Variants in PCDHGA1 observed in about 807,000 individuals in gnomAD.
PCDHGA1 encodes the protein protocadherin gamma subfamily A, 1, also known as protocadherin gamma-A1.
Under a neutral mutation model 58.0 loss-of-function variants are expected in PCDHGA1, and 32 were observed. That is an observed-to-expected ratio of 0.55 (90% CI 0.42 to 0.74). The LOEUF (loss-of-function observed/expected upper bound fraction) is 0.74. PCDHGA1 is among the 30% of genes least tolerant of loss of function. The pLI is 0.00. For synonymous variants in PCDHGA1, 498 were observed against 501.1 expected (o/e 0.99, Z 0.08); for missense variants, 1,205 against 1,182.3 (o/e 1.02, Z -0.28).
chr5:141,385,132 G>T (rs763210124), intron 1 of PCDHGA1: 2 of 1,614,094 alleles, frequency 1.2e-6, no homozygotes, highest in African/African-American at 1.3e-5. Flanking sequence ...GGGCATGGAC[G>T]GGGTGCAGGC....
In PCDHGA1 at chr5:141,485,979, C is replaced by G; in HGVS notation, c.2422-8828C>G. 1 of 1,614,182 alleles carries G rather than the reference C, an allele frequency of 6.2e-7. No individual in the cohort carries two copies. Among genetic ancestry groups the G allele is most frequent in the Non-Finnish European group, 8.5e-7 (1 of 1,180,022 alleles). On this transcript the variant is annotated intron_variant, in intron 1 of 3. Coordinates refer to ENST00000517417, the MANE Select transcript of PCDHGA1 (RefSeq NM_018912.3). The surrounding 1 kb of genome is among the most constrained non-coding windows in gnomAD (Gnocchi z 5.7). ...CTCATCCAGCTCAATGCCTCAGACC[C>G]GGACCTGGGTCCCAGTGGTAACGTC...
At chr5:141,364,124 G>A (rs1449257232) in intron 1 of PCDHGA1, 9 of 457,656 alleles carry the variant, frequency 2.0e-5, no homozygotes, top group Admixed American at 1.5e-4. Flanking sequence ...TCTGAGTGTC[G>A]CTGTTGACCA....
At chr5:141,352,540 G>A (rs1249935769) in intron 1 of PCDHGA1, 16 of 1,613,862 alleles carry the variant, frequency 9.9e-6, no homozygotes, top group Non-Finnish European at 1.3e-5. Flanking sequence ...CAAAGACAGA[G>A]TTTAATTCTC....
Position 141,490,387 on chromosome 5 carries a change from G to C in PCDHGA1, c.2422-4420G>C. 2 of 1,614,196 alleles carry C rather than the reference G, an allele frequency of 1.2e-6. No individual in the cohort carries two copies. The highest frequency in any genetic ancestry group is 1.7e-6 in the Non-Finnish European group (2 of 1,180,034). On this transcript the variant is annotated intron_variant, in intron 1 of 3. Transcript: ENST00000517417. This position sits in a 1 kb window ranked among gnomAD's most constrained non-coding sequence, Gnocchi z 5.4. ...GCGAGACCGGGACTCAGGTAGAAATGGTGAAGTGAGCCTTGATATCTCTCC... is the reference window on the plus strand; with the variant it reads ...GCGAGACCGGGACTCAGGTAGAAATCGTGAAGTGAGCCTTGATATCTCTCC...
chr5:141,487,968 T>C lies in PCDHGA1; in HGVS notation c.2422-6839T>C, dbSNP rs2099670029. Among the ~76,000 whole-genome samples the C allele has an allele frequency of 6.6e-6, 1 of 152,236 alleles. No individual in the cohort carries two copies. The highest frequency in any genetic ancestry group is 1.5e-5 in the Non-Finnish European group (1 of 68,050). On this transcript the variant is annotated intron_variant, in intron 1 of 3. Transcript: ENST00000517417. This position sits in a 1 kb window ranked among gnomAD's most constrained non-coding sequence, Gnocchi z 5.0. The stretch of plus-strand genomic sequence containing the variant: ...AGGCAGTCACTTGGACAAAGGTGGC[T>C]GTTTTCTCTACTCTTCCTGAAAGAG...
intron 1 of PCDHGA1, among the ~76,000 whole-genome samples, chr5:141,438,591 C>CATATATAT (rs946798767): frequency 3.4e-4 from 26 of 75,528 alleles, no homozygotes; most frequent in Non-Finnish European, 5.4e-4. Flanking sequence ...TACATACATA[C>CATATATAT]ATATATATAT....
intron 1 of PCDHGA1, among the ~76,000 whole-genome samples, chr5:141,448,016 G>A (rs903673535): frequency 6.6e-6 from 1 of 152,006 alleles, no homozygotes; most frequent in South Asian, 2.1e-4. Context: ...AACCCAGGAG[G>A]TGGAGGTTGC....
chr5:141,489,994 C>A lies in PCDHGA1; in HGVS notation c.2422-4813C>A, dbSNP rs1307285048. The A allele has an allele frequency of 1.2e-5, 19 of 1,614,192 alleles. No individual in the cohort carries two copies. The highest frequency in any genetic ancestry group is 1.6e-4 in the Middle Eastern group (1 of 6,062). On this transcript the variant is annotated intron_variant, in intron 1 of 3. Transcript: ENST00000517417. This position sits in a 1 kb window ranked among gnomAD's most constrained non-coding sequence, Gnocchi z 4.5. Reference sequence around the variant, plus strand: ...ATCCTCAGTTCTACGTGTGGGAATCCCAGAGAATGCACCCATTGGTACTCT... The same window carrying A: ...ATCCTCAGTTCTACGTGTGGGAATCACAGAGAATGCACCCATTGGTACTCT...
chr5:141,393,634 A>G (rs1589198700), intron 1 of PCDHGA1: 3 of 1,613,848 alleles, frequency 1.9e-6, no homozygotes, highest in African/African-American at 2.7e-5. Flanking sequence ...GAGGGAATCA[A>G]CGGAAAAGTG....
intron 1 of PCDHGA1, chr5:141,344,521 G>A (rs775144073): frequency 1.2e-6 from 2 of 1,613,982 alleles, no homozygotes; most frequent in Non-Finnish European, 8.5e-7. Flanking sequence ...CCAGATGTAG[G>A]CATTAACTCC....
At chr5:141,398,387 G>T in intron 1 of PCDHGA1, 2 of 1,455,430 alleles carry the variant, frequency 1.4e-6, no homozygotes, top group Non-Finnish European at 1.9e-6. Context: ...TTGCTTGTGA[G>T]CAGCAGGCTA....
intron 1 of PCDHGA1, chr5:141,413,721 C>A (rs779673406): frequency 6.2e-7 from 1 of 1,613,592 alleles, no homozygotes. Context: ...ATAAGCACTT[C>A]TCCCTAAGAG....
intron 1 of PCDHGA1, chr5:141,394,981 G>T: frequency 6.2e-7 from 1 of 1,613,964 alleles, no homozygotes; most frequent in Non-Finnish European, 8.5e-7. Flanking sequence ...CACAAGTCAC[G>T]CCTGCTCCAG....
At chr5:141,498,679 C>T (rs1454800332) in intron 2 of PCDHGA1, among the ~76,000 whole-genome samples, 1 of 152,170 alleles carries the variant, frequency 6.6e-6, no homozygotes, top group African/African-American at 2.4e-5. Flanking sequence ...CGCCTGTAAT[C>T]CCAGCACTTT....
At chr5:141,342,128 C>T (rs533480389) in intron 1 of PCDHGA1, 2 of 152,030 alleles carry the variant, frequency 1.3e-5, no homozygotes, top group African/African-American at 2.4e-5. Context: ...TTATCTTTCT[C>T]ATACGTGGGA....
chr5:141,374,519 G>C (rs769907625), intron 1 of PCDHGA1: 94 of 1,612,334 alleles, frequency 5.8e-5, no homozygotes, highest in Non-Finnish European at 7.8e-5. Flanking sequence ...TCTCGAAAAC[G>C]CAGCTCCATC....
At position 141,381,826 on chromosome 5, in the gene PCDHGA1, CTTTTTTTT is replaced by C. The variant is rs770630741; in HGVS notation, c.2421+48736_2421+48743del. Among the ~76,000 whole-genome samples the C allele has an allele frequency of 3.5e-4, 26 of 74,290 alleles. 1 individual carries two copies. Among genetic ancestry groups the C allele is most frequent in the Admixed American group, 9.7e-4 (5 of 5,178 alleles). 48.7% of individuals were successfully genotyped at this position (74,290 alleles called of 152,430 possible). On this transcript the variant is annotated intron_variant, in intron 1 of 3. Transcript: ENST00000517417. Reference sequence around the variant, plus strand: ...TTTCTTTCTTTCTTTCTTTCTTCTTCTTTTTTTTTTTTTTTTTTTTTTGGCAGAGTTTT... The same window carrying C: ...TTTCTTTCTTTCTTTCTTTCTTCTTCTTTTTTTTTTTTTTGGCAGAGTTTT...
chr5:141,463,927 A>G (rs1454864391), intron 1 of PCDHGA1, among the ~76,000 whole-genome samples: 1 of 152,206 alleles, frequency 6.6e-6, no homozygotes, highest in Non-Finnish European at 1.5e-5. Flanking sequence ...AAATCATTCT[A>G]TATAAATTTA....
At chr5:141,433,320 T>A in intron 1 of PCDHGA1, 1 of 792,046 alleles carries the variant, frequency 1.3e-6, no homozygotes, top group Non-Finnish European at 2.0e-6. Flanking sequence ...TTGCCTCCGG[T>A]GTAACAGGGA....
Sources: allele counts gnomAD v4.1 joint callset (sites outside exome capture counted in the v4.1 genomes callset), GRCh38; gene constraint gnomAD v4.1.1; non-coding constraint Gnocchi (gnomAD v3.1); transcripts MANE v1.5; gene names NCBI Gene and HGNC (gene_info 2026-07-23, HGNC 2026-07-21).